PLD5: variants seen among roughly 807,000 people sequenced by gnomAD.
The protein encoded by PLD5 is phospholipase D family member 5.
Under a neutral mutation model 61.1 loss-of-function variants are expected in PLD5, and 36 were observed. That is an observed-to-expected ratio of 0.59 (90% confidence interval 0.45 to 0.78). The LOEUF is 0.78. Among genes scored for constraint, PLD5 ranks in the 30% least tolerant of loss-of-function variants. The probability of loss-of-function intolerance (pLI) is 0.00; values close to 1 mark genes in which losing one functional copy is unlikely to be tolerated. For missense variants in PLD5, 515 were observed against 644.4 expected (o/e 0.80, Z 2.17); for synonymous variants, 243 against 242.8 (o/e 1.00, Z -0.01).
chr1:242,225,282 G>A (rs1418771177), intron 4 of PLD5, among the ~76,000 whole-genome samples: 1 of 152,014 alleles, frequency 6.6e-6, no homozygotes, highest in Non-Finnish European at 1.5e-5. Context: ...GGTATGGAAT[G>A]CACCACACAT....
intron 5 of PLD5, among the ~76,000 whole-genome samples, chr1:242,193,059 C>T (rs1574487901): frequency 6.6e-6 from 1 of 152,176 alleles, no homozygotes. Flanking sequence ...AAATTGATCC[C>T]TACCTCCTTT....
chr1:242,232,957 C>G (rs1671401677), intron 4 of PLD5, among the ~76,000 whole-genome samples: 1 of 152,166 alleles, frequency 6.6e-6, no homozygotes, highest in Non-Finnish European at 1.5e-5. Context: ...AAGTTCGAGA[C>G]CAGCCTGGCC....
At chr1:242,368,696 G>C (rs532192155) in intron 1 of PLD5, among the ~76,000 whole-genome samples, 1 of 152,104 alleles carries the variant, frequency 6.6e-6, no homozygotes, top group Non-Finnish European at 1.5e-5. Context: ...CTGTACATGT[G>C]CTAACAACAA....
In PLD5 at chr1:242,247,211, T is replaced by C. The variant is rs1469210294; in HGVS notation, c.607+18126A>G. On this transcript the variant is annotated intron_variant, in intron 4 of 9. Transcript: ENST00000536534. The stretch of plus-strand genomic sequence containing the variant: ...GTTAGCCAGGATGGTCTCCATCTCC[T>C]GACCTCGTGATCCGCCCGCCTCGGC... 3.3e-5 allele frequency among the ~76,000 whole-genome samples: 5 copies of C among 152,152 alleles called. No homozygotes were observed. The East Asian group carries it at 9.7e-4, about 29-fold the overall frequency.
At chr1:242,439,518 G>A (rs755412230) in intron 1 of PLD5, among the ~76,000 whole-genome samples, 2 of 152,188 alleles carry the variant, frequency 1.3e-5, no homozygotes, top group Non-Finnish European at 2.9e-5. Context: ...AGGAAAAAGA[G>A]AAGGGCATAG....
chr1:242,118,542 G>A (rs950149119), intron 6 of PLD5, among the ~76,000 whole-genome samples: 13 of 152,214 alleles, frequency 8.5e-5, no homozygotes, highest in Admixed American at 5.2e-4. Flanking sequence ...CATATTATAT[G>A]CTCAATACAT....
chr1:242,385,365 T>C (rs1426600571), intron 1 of PLD5, among the ~76,000 whole-genome samples: 2 of 152,180 alleles, frequency 1.3e-5, no homozygotes, highest in African/African-American at 4.8e-5. Context: ...CCTCCTAGGC[T>C]CCTAGATCGA....
chr1:242,423,443 G>A (rs975537292), intron 1 of PLD5, among the ~76,000 whole-genome samples: 1 of 152,128 alleles, frequency 6.6e-6, no homozygotes, highest in Admixed American at 6.6e-5. Context: ...TGAGTTATTA[G>A]AAGCATGCTA....
intron 1 of PLD5, among the ~76,000 whole-genome samples, chr1:242,411,719 T>A (rs1664569593): frequency 6.6e-6 from 1 of 152,206 alleles, no homozygotes; most frequent in Non-Finnish European, 1.5e-5. Context: ...ATAAGAGACG[T>A]TTCCCTATAA....
At chr1:242,489,365 T>G (rs1668065681) in intron 1 of PLD5, among the ~76,000 whole-genome samples, 1 of 123,254 alleles carries the variant, frequency 8.1e-6, no homozygotes. Flanking sequence ...CACACCTCGA[T>G]ACATTTGATT....
chr1:242,196,894 T>C (rs1271278030), intron 5 of PLD5, among the ~76,000 whole-genome samples: 1 of 152,136 alleles, frequency 6.6e-6, no homozygotes, highest in Admixed American at 6.5e-5. Context: ...GGGACTTTCT[T>C]TGTTTACAGA....
At chr1:242,438,445 T>TC (rs796562853) in intron 1 of PLD5, among the ~76,000 whole-genome samples, 2,426 of 138,110 alleles carry the variant, frequency 0.018, 173 homozygotes, top group African/African-American at 0.056. Flanking sequence ...TTTTCTTTTT[T>TC]TTTTTTTTTT....
At chr1:242,277,861 T>G (rs1574655489) in intron 3 of PLD5, among the ~76,000 whole-genome samples, 1 of 152,132 alleles carries the variant, frequency 6.6e-6, no homozygotes, top group South Asian at 2.1e-4. Flanking sequence ...TGCACACCTG[T>G]ACTCTCAGCT....
chr1:242,355,482 A>T (rs1660705111), intron 1 of PLD5, among the ~76,000 whole-genome samples: 1 of 144,416 alleles, frequency 6.9e-6, no homozygotes, highest in South Asian at 2.2e-4. Flanking sequence ...TTTTGATTTT[A>T]TTTGAGTCTT....
At chr1:242,309,585 G>A (rs1676578123) in intron 2 of PLD5, among the ~76,000 whole-genome samples, 1 of 151,660 alleles carries the variant, frequency 6.6e-6, no homozygotes, top group Non-Finnish European at 1.5e-5. Context: ...TGTTGGCCAG[G>A]CTGGTCTCCA....
chr1:242,414,009 G>T (rs1664693269), intron 1 of PLD5, among the ~76,000 whole-genome samples: 2 of 152,154 alleles, frequency 1.3e-5, no homozygotes, highest in South Asian at 2.1e-4. Context: ...TGGTAGCTGT[G>T]AAGTAGGCAA....
chr1:242,450,703 C>T (rs1323570477), intron 1 of PLD5, among the ~76,000 whole-genome samples: 2 of 152,150 alleles, frequency 1.3e-5, no homozygotes, highest in Non-Finnish European at 2.9e-5. Flanking sequence ...ATTTATCAGG[C>T]TCGATGGCAT....
intron 3 of PLD5, among the ~76,000 whole-genome samples, chr1:242,269,044 T>C (rs1467008610): frequency 6.6e-6 from 1 of 152,156 alleles, no homozygotes; most frequent in African/African-American, 2.4e-5. Context: ...GGTTTCACCA[T>C]GTTGGCCAGG....
intron 4 of PLD5, among the ~76,000 whole-genome samples, chr1:242,238,893 G>A (rs1235366624): frequency 3.9e-5 from 6 of 152,090 alleles, no homozygotes; most frequent in Admixed American, 6.5e-5. Flanking sequence ...GATTGTGAAG[G>A]TTCTGCCCTG....
Sources: allele counts gnomAD v4.1 joint callset (sites outside exome capture counted in the v4.1 genomes callset), GRCh38; gene constraint gnomAD v4.1.1; transcripts MANE v1.5; gene names NCBI Gene and HGNC (gene_info 2026-07-23, HGNC 2026-07-21).